Variants in CES5A observed in about 807,000 individuals in gnomAD.
CES5A encodes carboxylesterase 5A, also known as carboxylesterase 5.
A neutral mutation model predicts 62.9 loss-of-function variants in CES5A; 67 were observed. That is an observed-to-expected ratio of 1.07 (90% CI 0.88 to 1.31). The LOEUF is 1.31. CES5A is among the 50% of genes most tolerant of loss of function. CES5A has a pLI of 0.00. For missense variants in CES5A, 748 were observed against 708.5 expected, an observed-to-expected ratio of 1.06 and a Z score of -0.63; for synonymous variants, 296 against 280.8, an observed-to-expected ratio of 1.05 and a Z score of -0.54.
At chr16:55,906,949 C>T (rs1348853913) in intron 1 of CES5A, among the ~76,000 whole-genome samples, 2 of 152,186 alleles carry the variant, frequency 1.3e-5, no homozygotes, top group African/African-American at 2.4e-5. Flanking sequence ...CCTCAGTTTC[C>T]TCTTTCATGA....
intron 4 of CES5A, among the ~76,000 whole-genome samples, chr16:55,867,119 C>G (rs1188749125): frequency 6.6e-6 from 1 of 152,180 alleles, no homozygotes; most frequent in African/African-American, 2.4e-5. Flanking sequence ...TATCCCCCAA[C>G]CCCGTGCTCC....
At chr16:55,892,537 A>G (rs1387594768) in intron 1 of CES5A, among the ~76,000 whole-genome samples, 1 of 152,182 alleles carries the variant, frequency 6.6e-6, no homozygotes, top group Non-Finnish European at 1.5e-5. Context: ...TTGAAAATCA[A>G]TCAGTGTGGT....
rs1303365351 is a variant in CES5A at position 55,865,957 on chromosome 16, A to T, written c.705+6T>A. The T allele has an allele frequency of 4.3e-6, 7 of 1,614,040 alleles. No individual in the cohort carries two copies. In the Admixed American group the frequency reaches 1.0e-4, roughly 23 times the overall value. ...ATTCATTCAAACCACAAAGCAGAGA[A>T]CTCACAAGACTAGAAACACTTATGG... On this transcript the variant is annotated splice_donor_region_variant and intron_variant, in intron 5 of 12. Coordinates refer to ENST00000290567, the MANE Select transcript of CES5A (RefSeq NM_001143685.2).
intron 1 of CES5A, among the ~76,000 whole-genome samples, chr16:55,882,452 G>C (rs147042965): frequency 2.6e-5 from 4 of 152,302 alleles, no homozygotes; most frequent in Admixed American, 2.6e-4. Flanking sequence ...CTTGCCATGA[G>C]CTCCACCTGC....
intron 1 of CES5A, among the ~76,000 whole-genome samples, chr16:55,951,752 A>T (rs1244361180): frequency 6.6e-6 from 1 of 152,224 alleles, no homozygotes; most frequent in Non-Finnish European, 1.5e-5. Flanking sequence ...ACGATATCTC[A>T]GCCATGAACT....
chr16:55,917,177 A>T (rs561591281), intron 1 of CES5A, among the ~76,000 whole-genome samples: 4 of 152,334 alleles, frequency 2.6e-5, no homozygotes, highest in African/African-American at 9.6e-5. Context: ...AGTGCCATCA[A>T]ATACTAATGG....
chr16:55,859,409 A>G (rs2033307491), intron 8 of CES5A, 138 bp downstream of exon 8: 2 of 765,604 alleles, frequency 2.6e-6, no homozygotes, highest in Admixed American at 2.8e-5. Flanking sequence ...AGAGAGAGTA[A>G]AGGTGATCAC....
intron 1 of CES5A, among the ~76,000 whole-genome samples, chr16:55,897,182 G>A (rs149032124): frequency 6.6e-6 from 1 of 152,008 alleles, no homozygotes; most frequent in Non-Finnish European, 1.5e-5. Flanking sequence ...CAAGCCAAGA[G>A]CATCCAACCC....
chr16:55,919,070 T>C (rs1279185207), intron 1 of CES5A, among the ~76,000 whole-genome samples: 1 of 152,128 alleles, frequency 6.6e-6, no homozygotes, highest in African/African-American at 2.4e-5. Flanking sequence ...CCCCACTCCA[T>C]CTCTAATCGG....
chr16:55,908,161 C>T (rs941692261), intron 1 of CES5A, among the ~76,000 whole-genome samples: 1 of 152,074 alleles, frequency 6.6e-6, no homozygotes, highest in African/African-American at 2.4e-5. Context: ...TCCATGCAGC[C>T]CTTAAATCAG....
At chr16:55,895,627 T>G (rs76171792) in intron 1 of CES5A, among the ~76,000 whole-genome samples, 3,093 of 152,342 alleles carry the variant, frequency 0.02, 118 homozygotes, top group African/African-American at 0.069. Context: ...CTTTTTTTGT[T>G]TGTTTGTTAT....
intron 12 of CES5A, 36 bp from the exon 13 acceptor site, chr16:55,846,718 C>A: frequency 1.9e-6 from 3 of 1,612,796 alleles, no homozygotes; most frequent in Non-Finnish European, 2.5e-6. Flanking sequence ...TGAGATTTTC[C>A]TCCTCACACC....
chr16:55,944,175 T>A, intron 2 of CES5A: 2 of 698,372 alleles, frequency 2.9e-6, no homozygotes, highest in Non-Finnish European at 5.2e-6. Flanking sequence ...TGTGAAGACT[T>A]GGGTCCCAGT....
At chr16:55,952,392 G>GAAATTA (rs1400966673) in intron 1 of CES5A, among the ~76,000 whole-genome samples, 2 of 151,500 alleles carry the variant, frequency 1.3e-5, no homozygotes, top group Admixed American at 1.3e-4. Context: ...TAAGCTCAGT[G>GAAATTA]AAATTAGAGG....
At chr16:55,870,529 T>C (rs1473815937) in intron 3 of CES5A, among the ~76,000 whole-genome samples, 6 of 152,114 alleles carry the variant, frequency 3.9e-5, no homozygotes, top group East Asian at 1.9e-4. Flanking sequence ...GGTGAAAGCC[T>C]GTCTCTACTA....
In CES5A at chr16:55,914,891, G is replaced by A. The variant is rs530970575; in HGVS notation, c.-256+10432C>T. Among the ~76,000 whole-genome samples the A allele has an allele frequency of 7.9e-5, 12 of 152,280 alleles. 1 individual carries two copies. The South Asian group carries it at 2.3e-3, about 29-fold the overall frequency. On this transcript the variant is annotated intron_variant, in intron 1 of 12. Transcript: ENST00000518005. ...ATTTTTTAGTTTTGACCCTTGTGCTGTGGTTACATAAGATGTTAACATTAG... is the reference window on the plus strand; with the variant it reads ...ATTTTTTAGTTTTGACCCTTGTGCTATGGTTACATAAGATGTTAACATTAG...
At chr16:55,934,523 A>G (rs2034347726) in intron 2 of CES5A, among the ~76,000 whole-genome samples, 4 of 152,322 alleles carry the variant, frequency 2.6e-5, no homozygotes, top group African/African-American at 9.6e-5. Flanking sequence ...GATTATGCAT[A>G]AAGTGCTTGA....
intron 1 of CES5A, among the ~76,000 whole-genome samples, chr16:55,892,943 G>A (rs980247054): frequency 1.3e-5 from 2 of 152,138 alleles, no homozygotes; most frequent in African/African-American, 4.8e-5. Flanking sequence ...AGAGGCAGAG[G>A]AGTTGTGCAG....
At chr16:55,865,878 G>A (rs550949120) in intron 5 of CES5A, 85 bp downstream of exon 5, 1 of 1,448,624 alleles carries the variant, frequency 6.9e-7, no homozygotes, top group African/African-American at 1.4e-5. Flanking sequence ...CAACATGAAG[G>A]CAACAATCAA....
Sources: gnomAD v4.1 joint callset for allele counts (sites outside exome capture counted in the v4.1 genomes callset) on GRCh38, gnomAD v4.1.1 for gene constraint, MANE v1.5 for transcripts, NCBI Gene and HGNC (gene_info 2026-07-23, HGNC 2026-07-21) for gene names.